Variants in FHAD1 observed in about 807,000 individuals in gnomAD.
FHAD1 encodes the protein forkhead associated phosphopeptide binding domain 1.
Under a neutral mutation model 191.3 loss-of-function variants are expected in FHAD1, and 146 were observed. That is an observed-to-expected ratio of 0.76 (90% CI 0.67 to 0.88). FHAD1 has a LOEUF of 0.88. Among genes scored for constraint, FHAD1 ranks in the 40% least tolerant of loss-of-function variants. The pLI is 0.00. For missense variants in FHAD1, 1,635 were observed against 1,785.8 expected (o/e 0.92, Z 1.52); for synonymous variants, 616 against 672.3 (o/e 0.92, Z 1.29).
chr1:15,362,547 G>T, intron 22 of FHAD1, 95 bp from the exon 23 acceptor site: 1 of 976,906 alleles, frequency 1.0e-6, no homozygotes, highest in Non-Finnish European at 1.6e-6. Flanking sequence ...GCAGGTGGAG[G>T]CAGGGTTTGT....
At chr1:15,314,997 A>G (rs1478890681) in intron 8 of FHAD1, 1 of 151,842 alleles carries the variant, frequency 6.6e-6, no homozygotes, top group Admixed American at 6.6e-5. Flanking sequence ...CACGAAGTGC[A>G]TTTGGGTTAC....
intron 2 of FHAD1, among the ~76,000 whole-genome samples, chr1:15,255,379 A>G (rs1167396795): frequency 2.0e-5 from 3 of 152,262 alleles, no homozygotes; most frequent in Non-Finnish European, 4.4e-5. Flanking sequence ...GAAGAAAATA[A>G]AAATCACTTG....
intron 25 of FHAD1, among the ~76,000 whole-genome samples, chr1:15,368,043 C>G (rs991790175): frequency 5.3e-5 from 8 of 152,328 alleles, no homozygotes; most frequent in Admixed American, 4.6e-4. Flanking sequence ...ACGATCTTGG[C>G]TCACTGCAAC....
At chr1:15,283,507 GTATT>G (rs1661314338) in intron 3 of FHAD1, among the ~76,000 whole-genome samples, 1 of 152,202 alleles carries the variant, frequency 6.6e-6, no homozygotes, top group South Asian at 2.1e-4. Context: ...TAAGTTTTAA[GTATT>G]TATTACTGTT....
At chr1:15,301,477 G>C (rs1013085764) in intron 6 of FHAD1, 36 bp downstream of exon 6, 1 of 1,541,882 alleles carries the variant, frequency 6.5e-7, no homozygotes, top group Non-Finnish European at 8.8e-7. Flanking sequence ...ACAGCTCTCA[G>C]GCCAAGGCCC....
Position 15,392,798 on chromosome 1 carries a change from T to A in FHAD1, c.4323+1535T>A, listed in dbSNP as rs1463796865. ...TCCAAAATACCATTCACTGATTTTTTTTTCCATTTTGGCCAACAGTCTTTT... is the reference window on the plus strand; with the variant it reads ...TCCAAAATACCATTCACTGATTTTTATTTCCATTTTGGCCAACAGTCTTTT... On this transcript the variant is annotated intron_variant, in intron 33 of 33. Coordinates refer to ENST00000688493, the MANE Select transcript of FHAD1 (RefSeq NM_001391957.1). Among the ~76,000 whole-genome samples, 3 of 152,346 alleles carry A rather than the reference T, an allele frequency of 2.0e-5. No individual in the cohort carries two copies. In the East Asian group the frequency reaches 5.8e-4, roughly 29 times the overall value.
intron 26 of FHAD1, 22 bp downstream of exon 26, chr1:15,369,524 G>T: frequency 6.4e-7 from 1 of 1,551,074 alleles, no homozygotes; most frequent in Non-Finnish European, 8.7e-7. Context: ...CCACTCCTGG[G>T]TACTGGAAGG....
chr1:15,263,510 C>CTTGTTTTTTTT (rs1652012675), intron 2 of FHAD1, among the ~76,000 whole-genome samples: 1 of 75,030 alleles, frequency 1.3e-5, no homozygotes, highest in Non-Finnish European at 2.7e-5. Context: ...CAGTTTTATT[C>CTTGTTTTTTTT]TTTTTTTTTT....
chr1:15,355,518 G>GAGT (rs1692424067), intron 20 of FHAD1, among the ~76,000 whole-genome samples: 1 of 152,234 alleles, frequency 6.6e-6, no homozygotes, highest in African/African-American at 2.4e-5. Context: ...ACAAGCTGCT[G>GAGT]AGTAGCTGCC....
At chr1:15,321,671 T>C (rs2101614804) in intron 10 of FHAD1, among the ~76,000 whole-genome samples, 1 of 152,376 alleles carries the variant, frequency 6.6e-6, no homozygotes, top group South Asian at 2.1e-4. Flanking sequence ...TTCTTCAGCG[T>C]GAAGAACATC....
At chr1:15,335,102 G>A (rs1036364963) in intron 14 of FHAD1, among the ~76,000 whole-genome samples, 39 of 152,202 alleles carry the variant, frequency 2.6e-4, no homozygotes, top group African/African-American at 8.2e-4. Flanking sequence ...CGGGGTAAAC[G>A]TCAGGGAAAT....
At chr1:15,301,170 A>C in intron 5 of FHAD1, 35 bp from the exon 6 acceptor site, 1 of 1,539,400 alleles carries the variant, frequency 6.5e-7, no homozygotes, top group Non-Finnish European at 8.8e-7. Context: ...ACCTAGGCCC[A>C]CACCTAGTAA....
At chr1:15,374,665 C>A (rs964707576) in intron 27 of FHAD1, 34 bp downstream of exon 27, 2 of 1,548,652 alleles carry the variant, frequency 1.3e-6, no homozygotes, top group East Asian at 2.4e-5. Context: ...GAGCAGTGGA[C>A]CCCAGACTCC....
Position 15,374,880 on chromosome 1 carries a change from A to G in FHAD1, c.3577+249A>G, listed in dbSNP as rs181170893. Among the ~76,000 whole-genome samples, 182 of 138,232 alleles carry G rather than the reference A, an allele frequency of 1.3e-3. 2 individuals carry two copies. The Middle Eastern group carries it at 0.019, about 15-fold the overall frequency. 90.7% of individuals were successfully genotyped at this position (138,232 alleles called of 152,430 possible). ...TTTTTGTTTGTTTTTTTTTTTTGAG[A>G]CAGAGTCTCGCTCTGTCACCCAGCC... On this transcript the variant is annotated intron_variant, in intron 27 of 33. Coordinates refer to ENST00000688493, the MANE Select transcript of FHAD1 (RefSeq NM_001391957.1).
chr1:15,279,494 TTTCTTCCTTCTGTC>T (rs891777123), intron 3 of FHAD1, among the ~76,000 whole-genome samples: 18 of 149,660 alleles, frequency 1.2e-4, no homozygotes, highest in Non-Finnish European at 1.8e-4. Flanking sequence ...GTACCGGGAG[TTTCTTCCTTCTGTC>T]TTCTTCCTTC....
At chr1:15,352,344 A>G (rs1171815112) in intron 19 of FHAD1, among the ~76,000 whole-genome samples, 3 of 152,108 alleles carry the variant, frequency 2.0e-5, no homozygotes, top group Non-Finnish European at 4.4e-5. Context: ...CTCCAGGTCT[A>G]TGGCGTTTGT....
Position 15,289,335 on chromosome 1 carries a change from G to T in FHAD1, c.301-64G>T. On this transcript the variant is annotated intron_variant, in intron 3 of 33. Transcript: ENST00000688493. The surrounding 1 kb of genome is among the most constrained non-coding windows in gnomAD (Gnocchi z 4.2). Reference sequence around the variant, plus strand: ...CCTTGGGCAGCAATGCTGTGGCTGGGACAAAGAAATGGAGACCATCCCAGC... The same window carrying T: ...CCTTGGGCAGCAATGCTGTGGCTGGTACAAAGAAATGGAGACCATCCCAGC... 6.6e-7 allele frequency: 1 copy of T among 1,515,404 alleles called. No homozygotes were observed. The highest frequency in any genetic ancestry group is 1.3e-5 in the South Asian group (1 of 78,714). The allele number at this position is 1,515,404 out of a possible 1,614,324, so 93.9% of individuals were successfully genotyped here.
intron 26 of FHAD1, among the ~76,000 whole-genome samples, chr1:15,373,720 G>A (rs1698773719): frequency 6.6e-6 from 1 of 152,138 alleles, no homozygotes; most frequent in Non-Finnish European, 1.5e-5. Flanking sequence ...GTCGGGCGTG[G>A]TGGCACACAC....
intron 1 of FHAD1, among the ~76,000 whole-genome samples, chr1:15,240,871 C>T (rs1289569388): frequency 6.7e-6 from 1 of 149,498 alleles, no homozygotes; most frequent in Non-Finnish European, 1.5e-5. Context: ...GCAGAAGAAT[C>T]GCTTGAACCT....
Sources: allele counts gnomAD v4.1 joint callset (sites outside exome capture counted in the v4.1 genomes callset), GRCh38; gene constraint gnomAD v4.1.1; non-coding constraint Gnocchi (gnomAD v3.1); transcripts MANE v1.5; gene names NCBI Gene and HGNC (gene_info 2026-07-23, HGNC 2026-07-21).